Variants in CIBAR1 observed in about 807,000 individuals in gnomAD.
CIBAR1 encodes the protein CBY1-interacting BAR domain-containing protein 1.
In CIBAR1, 25 loss-of-function variants were observed where a neutral mutation model predicts 44.0. The observed-to-expected ratio is 0.57, with a 90% CI of 0.41 to 0.79. The LOEUF (loss-of-function observed/expected upper bound fraction) is 0.79, where lower values mean the gene tolerates loss of function less well. Among genes scored for constraint, CIBAR1 ranks in the 30% least tolerant of loss-of-function variants. CIBAR1 has a pLI of 0.00. For synonymous variants in CIBAR1, 115 were observed against 119.0 expected (o/e 0.97, Z 0.22); for missense variants, 278 against 344.8 (o/e 0.81, Z 1.53).
intron 2 of CIBAR1, chr8:93,702,036 A>G (rs558174853): frequency 4.4e-6 from 1 of 226,996 alleles, no homozygotes; most frequent in East Asian, 1.2e-4. Flanking sequence ...TTTTCTTTCT[A>G]AAAGCCCATA....
At chr8:93,727,287 G>A (rs1811560511) in intron 8 of CIBAR1, 1 of 985,372 alleles carries the variant, frequency 1.0e-6, no homozygotes, top group Non-Finnish European at 1.4e-6. Flanking sequence ...TGATTCTCCT[G>A]TAAGCATTTA....
chr8:93,706,281 A>G (rs935018882), intron 4 of CIBAR1: 1 of 152,244 alleles, frequency 6.6e-6, no homozygotes, highest in Non-Finnish European at 1.5e-5. Context: ...AGAAATATCT[A>G]GATAGTCATA....
chr8:93,701,790 C>G, intron 2 of CIBAR1: 1 of 258,098 alleles, frequency 3.9e-6, no homozygotes, highest in Non-Finnish European at 7.4e-6. Flanking sequence ...TCTTGTGTGG[C>G]ACATAAGTAC....
chr8:93,711,569 A>G (rs1003748767), intron 6 of CIBAR1, among the ~76,000 whole-genome samples: 1 of 152,136 alleles, frequency 6.6e-6, no homozygotes, highest in Non-Finnish European at 1.5e-5. Context: ...TCAGGGTATA[A>G]AGTTTTATAA....
intron 4 of CIBAR1, among the ~76,000 whole-genome samples, chr8:93,707,796 C>T (rs1368410584): frequency 6.6e-6 from 1 of 151,902 alleles, no homozygotes; most frequent in African/African-American, 2.4e-5. Flanking sequence ...TATACAAACA[C>T]AGAGAGGTAT....
chr8:93,701,573 G>A, intron 2 of CIBAR1, 115 bp downstream of exon 2: 1 of 802,504 alleles, frequency 1.2e-6, no homozygotes, highest in Non-Finnish European at 2.0e-6. Context: ...ATGCAAACTT[G>A]ATAAAACGTA....
At chr8:93,713,313 G>A (rs1364148979) in intron 6 of CIBAR1, among the ~76,000 whole-genome samples, 3 of 152,142 alleles carry the variant, frequency 2.0e-5, no homozygotes, top group Non-Finnish European at 2.9e-5. Context: ...GATTACAGGC[G>A]TGAGCCACCA....
chr8:93,709,557 T>C, intron 5 of CIBAR1: 1 of 444,874 alleles, frequency 2.2e-6, no homozygotes, highest in Non-Finnish European at 4.1e-6. Flanking sequence ...TAGGGTTTTT[T>C]TTCTAGATCA....
intron 6 of CIBAR1, among the ~76,000 whole-genome samples, chr8:93,717,292 T>G (rs1183998969): frequency 6.6e-6 from 1 of 152,222 alleles, no homozygotes; most frequent in African/African-American, 2.4e-5. Context: ...CAACTAAGAG[T>G]AGGTCCCAGC....
chr8:93,713,357 TG>T (rs1411604687), intron 6 of CIBAR1, among the ~76,000 whole-genome samples: 1 of 152,132 alleles, frequency 6.6e-6, no homozygotes, highest in Non-Finnish European at 1.5e-5. Flanking sequence ...TTAACTGGAT[TG>T]TCTTATTTCT....
chr8:93,701,160 A>G, intron 1 of CIBAR1, 64 bp from the exon 2 acceptor site: 2 of 1,549,456 alleles, frequency 1.3e-6, no homozygotes, highest in African/African-American at 1.4e-5. Flanking sequence ...TGCATGTTAA[A>G]TTAACGTGAA....
rs1811379073 is a variant in CIBAR1, at chr8:93,724,098, C to G, written c.658-2296C>G. On this transcript the variant is annotated intron_variant, in intron 7 of 8. Coordinates refer to ENST00000518322, the MANE Select transcript of CIBAR1 (RefSeq NM_145269.5). Reference sequence around the variant, plus strand: ...AGTGAAAAAATTAGCCAGAGTACCCCTGTGGTCCCAGCTACTCAGGAGGCT... The same window carrying G: ...AGTGAAAAAATTAGCCAGAGTACCCGTGTGGTCCCAGCTACTCAGGAGGCT... Among the ~76,000 whole-genome samples the G allele has an allele frequency of 2.0e-5, 3 of 151,994 alleles. No homozygotes were observed. The South Asian group carries it at 6.2e-4, about 32-fold the overall frequency.
At chr8:93,726,922 C>T (rs1219109179) in intron 8 of CIBAR1, among the ~76,000 whole-genome samples, 1 of 152,140 alleles carries the variant, frequency 6.6e-6, no homozygotes, top group Non-Finnish European at 1.5e-5. Flanking sequence ...ACACAGAAAT[C>T]ATTTCATTTT....
At chr8:93,701,013 C>G in intron 1 of CIBAR1, 1 of 1,423,076 alleles carries the variant, frequency 7.0e-7, no homozygotes, top group South Asian at 1.6e-5. Flanking sequence ...GCCAGGCCCA[C>G]CCGGCCTGGG....
chr8:93,704,942 C>T lies in CIBAR1; in HGVS notation c.364C>T (p.Arg122Ter), dbSNP rs373275688. 7 of 1,610,268 alleles carry T rather than the reference C, an allele frequency of 4.3e-6. No homozygotes were observed. Among genetic ancestry groups the T allele is most frequent in the African/African-American group, 2.7e-5 (2 of 74,772 alleles). ...CAAAGCAACACTCACAGCAAGGAAT[C>T]GAGAAGCTAAGCAATTAACTCAGTT... ...DLKATLTARN[R>*]EAKQLTQLER... Residue 122 changes from arginine (R) to a stop codon, truncating the protein, a stop_gained, in exon 4 of 9, where the codon CGA becomes TGA. Transcript: ENST00000518322. LOFTEE classifies it high-confidence loss of function.
chr8:93,719,595 G>A (rs1811164600), intron 7 of CIBAR1: 1 of 152,154 alleles, frequency 6.6e-6, no homozygotes. Context: ...AGCAGAATCA[G>A]GATTCTGACT....
At chr8:93,701,620 G>C in intron 2 of CIBAR1, 162 bp downstream of exon 2, 1 of 652,800 alleles carries the variant, frequency 1.5e-6, no homozygotes. Context: ...TTAAAGAGAA[G>C]CGTTCTGTGT....
At chr8:93,701,074 G>A in intron 1 of CIBAR1, 150 bp from the exon 2 acceptor site, 3 of 1,479,096 alleles carry the variant, frequency 2.0e-6, no homozygotes, top group Non-Finnish European at 1.8e-6. Context: ...ACCCCATGGA[G>A]AGCAGTCCGC....
intron 7 of CIBAR1, among the ~76,000 whole-genome samples, chr8:93,721,583 C>T (rs538307531): frequency 6.6e-6 from 1 of 152,268 alleles, no homozygotes; most frequent in East Asian, 1.9e-4. Flanking sequence ...AGCAAGTTAA[C>T]TTCTTCGCTC....
Sources: allele counts gnomAD v4.1 joint callset (sites outside exome capture counted in the v4.1 genomes callset), GRCh38; gene constraint gnomAD v4.1.1; transcripts MANE v1.5; gene names NCBI Gene and HGNC (gene_info 2026-07-23, HGNC 2026-07-21).